The following MFHAS1 variants were observed in gnomAD, a reference collection of about 807,000 sequenced individuals.
MFHAS1 encodes malignant fibrous histiocytoma-amplified sequence 1.
Under a neutral mutation model 70.4 loss-of-function variants are expected in MFHAS1, and 50 were observed. That is an observed-to-expected ratio of 0.71 (90% confidence interval 0.57 to 0.90). The LOEUF (loss-of-function observed/expected upper bound fraction) is 0.90, where lower values mean the gene tolerates loss of function less well. Among genes scored for constraint, MFHAS1 ranks in the 40% least tolerant of loss-of-function variants. The probability of loss-of-function intolerance (pLI) is 0.00; values close to 1 mark genes in which losing one functional copy is unlikely to be tolerated. For synonymous variants in MFHAS1, 952 were observed against 620.0 expected (o/e 1.54, Z -7.96); for missense variants, 1,795 against 1,347.6 (o/e 1.33, Z -5.20).
At chr8:8,835,765 G>C (rs1807573171) in intron 1 of MFHAS1, among the ~76,000 whole-genome samples, 1 of 152,210 alleles carries the variant, frequency 6.6e-6, no homozygotes, top group Admixed American at 6.5e-5. Context: ...TCAATATTCA[G>C]ACCCAGTTCT....
intron 1 of MFHAS1, among the ~76,000 whole-genome samples, chr8:8,829,038 G>A (rs138887475): frequency 5.9e-5 from 9 of 152,212 alleles, no homozygotes; most frequent in African/African-American, 1.9e-4. Flanking sequence ...ACATTCAAGT[G>A]AACTCCTTGG....
At chr8:8,836,621 T>A (rs1807605021) in intron 1 of MFHAS1, among the ~76,000 whole-genome samples, 1 of 152,144 alleles carries the variant, frequency 6.6e-6, no homozygotes, top group African/African-American at 2.4e-5. Flanking sequence ...CAAGTGATCC[T>A]CCCACCTCAG....
intron 2 of MFHAS1, among the ~76,000 whole-genome samples, chr8:8,790,794 G>T (rs932013154): frequency 1.3e-5 from 2 of 152,156 alleles, no homozygotes; most frequent in Non-Finnish European, 2.9e-5. Context: ...CTGTTTATTT[G>T]GTGATATAAA....
At chr8:8,870,954 T>C (rs1198708323) in intron 1 of MFHAS1, among the ~76,000 whole-genome samples, 1 of 152,216 alleles carries the variant, frequency 6.6e-6, no homozygotes, top group African/African-American at 2.4e-5. Flanking sequence ...GGAGCGTCAC[T>C]CTGTTGCCCA....
chr8:8,856,280 C>G (rs938179013), intron 1 of MFHAS1, among the ~76,000 whole-genome samples: 3 of 152,244 alleles, frequency 2.0e-5, no homozygotes, highest in African/African-American at 7.2e-5. Context: ...CTGGAGAGAT[C>G]TGTCCCGAGC....
At chr8:8,803,774 C>A (rs764365959) in intron 1 of MFHAS1, among the ~76,000 whole-genome samples, 2 of 152,058 alleles carry the variant, frequency 1.3e-5, no homozygotes, top group Admixed American at 6.5e-5. Context: ...GAATTAGAGA[C>A]CAGCCTGGCC....
Position 8,811,312 on chromosome 8 carries a change from A to T in MFHAS1, c.2999-13821T>A, listed in dbSNP as rs545945346. ...ATTATAATTGCAAACCAGAATAAAAATTTTTTTTTTTTTGAGATAGGGTCT... is the reference window on the plus strand; with the variant it reads ...ATTATAATTGCAAACCAGAATAAAATTTTTTTTTTTTTTGAGATAGGGTCT... On this transcript the variant is annotated intron_variant, in intron 1 of 2. Coordinates refer to ENST00000276282, the MANE Select transcript of MFHAS1 (RefSeq NM_004225.3). Among the ~76,000 whole-genome samples, 389 of 148,226 alleles carry T rather than the reference A, an allele frequency of 2.6e-3. 1 individual carries two copies. Among genetic ancestry groups the T allele is most frequent in the African/African-American group, 8.6e-3 (349 of 40,736 alleles).
In MFHAS1 at chr8:8,785,937, AGTGCAGAGGGTCTG is replaced by A; in HGVS notation, c.*71_*84del. ...CAAGTTCACAGAACACGCTGGGGTG[AGTGCAGAGGGTCTG>A]CCAGGTGCAAAAGATGGTCCAGGTG... On this transcript the variant is annotated 3_prime_UTR_variant, in exon 3 of 3. Coordinates refer to ENST00000276282, the MANE Select transcript of MFHAS1 (RefSeq NM_004225.3). 1 of 1,257,124 alleles carries A rather than the reference AGTGCAGAGGGTCTG, an allele frequency of 8.0e-7. No individual in the cohort carries two copies. The highest frequency in any genetic ancestry group is 1.1e-6 in the Non-Finnish European group (1 of 891,674). 77.9% of individuals were successfully genotyped at this position (1,257,124 alleles called of 1,614,324 possible).
intron 1 of MFHAS1, among the ~76,000 whole-genome samples, chr8:8,882,648 G>C (rs778542726): frequency 9.9e-5 from 15 of 152,048 alleles, no homozygotes; most frequent in Non-Finnish European, 1.8e-4. Context: ...ATGAGAGTTT[G>C]AGTTCTTTCA....
chr8:8,809,944 C>T (rs530492745), intron 1 of MFHAS1, among the ~76,000 whole-genome samples: 1 of 152,362 alleles, frequency 6.6e-6, no homozygotes, highest in African/African-American at 2.4e-5. Flanking sequence ...CCCCAACATT[C>T]ATTTTCCTTG....
chr8:8,892,092 T>C lies in MFHAS1; in HGVS notation c.967A>G (p.Thr323Ala), dbSNP rs1250626003. The change falls in exon 1 of 3, where the codon ACC (threonine) becomes GCC (alanine). Residue 323 changes from threonine to alanine, a missense_variant. Coordinates refer to ENST00000276282, the MANE Select transcript of MFHAS1 (RefSeq NM_004225.3). This position sits in a 1 kb window ranked among gnomAD's most constrained non-coding sequence, Gnocchi z 4.7. ...SLISGLGRLL[T>A]LWLDNNRIRY... ...ATGCGGTTATTATCCAGCCACAAGGTGAGAAGCCGGCCCAGGCCCGAGATA... is the reference window on the plus strand; with the variant it reads ...ATGCGGTTATTATCCAGCCACAAGGCGAGAAGCCGGCCCAGGCCCGAGATA... 7 of 1,613,134 alleles carry C rather than the reference T, an allele frequency of 4.3e-6. No homozygotes were observed. The highest frequency in any genetic ancestry group is 5.9e-6 in the Non-Finnish European group (7 of 1,179,964).
At chr8:8,788,340 G>T (rs1271709565) in intron 2 of MFHAS1, among the ~76,000 whole-genome samples, 1 of 152,206 alleles carries the variant, frequency 6.6e-6, no homozygotes, top group Non-Finnish European at 1.5e-5. Flanking sequence ...CAGGTAAAAA[G>T]TAGCCAAGAT....
chr8:8,797,452 T>G lies in MFHAS1; in HGVS notation c.3038A>C (p.Glu1013Ala). 1 of 1,614,144 alleles carries G rather than the reference T, an allele frequency of 6.2e-7. No homozygotes were observed. Among genetic ancestry groups the G allele is most frequent in the Non-Finnish European group, 8.5e-7 (1 of 1,180,002 alleles). ...LSQPRPEGVA[E>A]IICPKNGSER... ...GCTGCCGTTCTTGGGGCAAATGATCTCTGCCACTCCTTCCGGTCTGGGCTG... is the reference window on the plus strand; with the variant it reads ...GCTGCCGTTCTTGGGGCAAATGATCGCTGCCACTCCTTCCGGTCTGGGCTG... Residue 1013 changes from glutamate to alanine, a missense_variant, in exon 2 of 3, where the codon GAG becomes GCG. Physicochemically the swap from Glu to Ala is moderately radical, Grantham distance 107. Coordinates refer to ENST00000276282, the MANE Select transcript of MFHAS1 (RefSeq NM_004225.3).
intron 1 of MFHAS1, among the ~76,000 whole-genome samples, chr8:8,816,627 G>A (rs1326214839): frequency 6.6e-6 from 1 of 152,180 alleles, no homozygotes; most frequent in East Asian, 1.9e-4. Flanking sequence ...TCTATGAGAT[G>A]AAATTCAAGC....
intron 1 of MFHAS1, among the ~76,000 whole-genome samples, chr8:8,840,693 C>A (rs1325101680): frequency 6.6e-6 from 1 of 152,112 alleles, no homozygotes; most frequent in Non-Finnish European, 1.5e-5. Context: ...AGGAACAAGT[C>A]CATTAGTTAG....
chr8:8,804,193 G>A (rs1253830243), intron 1 of MFHAS1, among the ~76,000 whole-genome samples: 1 of 152,130 alleles, frequency 6.6e-6, no homozygotes, highest in African/African-American at 2.4e-5. Flanking sequence ...TCCAACGACA[G>A]CTACAAAAAC....
intron 1 of MFHAS1, among the ~76,000 whole-genome samples, chr8:8,881,659 C>A (rs914645720): frequency 1.8e-4 from 27 of 152,058 alleles, no homozygotes; most frequent in Non-Finnish European, 1.5e-4. Context: ...CATGGTGAAA[C>A]GCTGTCTCTA....
In MFHAS1 at chr8:8,891,678, T is replaced by C. The variant is rs1314862423; in HGVS notation, c.1381A>G (p.Thr461Ala). 2 of 1,613,544 alleles carry C rather than the reference T, an allele frequency of 1.2e-6. No homozygotes were observed. Among genetic ancestry groups the C allele is most frequent in the Non-Finnish European group, 1.7e-6 (2 of 1,180,006 alleles). Residue 461 changes from threonine to alanine, a missense_variant, in exon 1 of 3, where the codon ACC (threonine) becomes GCC (alanine). Transcript: ENST00000276282. The surrounding 1 kb of genome is among the most constrained non-coding windows in gnomAD (Gnocchi z 5.4). ...PPPVSKGIEV[T>A]SWTADASRGL... is the part of the protein sequence containing the mutation. ...CGGGAGGCATCGGCCGTCCAGCTGG[T>C]CACCTCGATGCCCTTGCTCACAGGG...
chr8:8,833,150 C>T (rs1807470669), intron 1 of MFHAS1, among the ~76,000 whole-genome samples: 1 of 152,168 alleles, frequency 6.6e-6, no homozygotes, highest in African/African-American at 2.4e-5. Flanking sequence ...ATCGTGACAA[C>T]ACCACCAAAG....
Sources: gnomAD v4.1 joint callset for allele counts (sites outside exome capture counted in the v4.1 genomes callset) on GRCh38, gnomAD v4.1.1 for gene constraint, Gnocchi (gnomAD v3.1) non-coding constraint, MANE v1.5 for transcripts, NCBI Gene and HGNC (gene_info 2026-07-23, HGNC 2026-07-21) for gene names.